The following NFIX variants were observed in gnomAD, a reference collection of about 807,000 sequenced individuals.
NFIX encodes nuclear factor I X.
NFIX carries 2 observed loss-of-function variants against 53.3 expected under a neutral mutation model. The ratio of observed to expected loss-of-function variants is 0.04; its 90% CI spans 0.02 to 0.12. The LOEUF (loss-of-function observed/expected upper bound fraction) is 0.12, where lower values mean the gene tolerates loss of function less well. Among genes scored for constraint, NFIX ranks in the 10% least tolerant of loss-of-function variants. The pLI, the probability that NFIX is intolerant of heterozygous loss-of-function variation, is 1.00. For missense variants in NFIX, 310 were observed against 674.5 expected, an observed-to-expected ratio of 0.46 and a Z score of 5.99; for synonymous variants, 244 against 289.0, an observed-to-expected ratio of 0.84 and a Z score of 1.58.
chr19:13,098,447 ATCTC>A lies in NFIX; in HGVS notation c.*3800_*3803del, dbSNP rs1215830597. On this transcript the variant is annotated 3_prime_UTR_variant, in exon 11 of 11. Transcript: ENST00000592199. Reference sequence around the variant, plus strand: ...GCTAAGAAACGCAGTATATACGAGTATCTCTATATATAGTACTAATGGATTTGGT... The same window carrying A: ...GCTAAGAAACGCAGTATATACGAGTATATATATAGTACTAATGGATTTGGT... 3 of 151,672 alleles carry A rather than the reference ATCTC, an allele frequency of 2.0e-5. No individual in the cohort carries two copies. Among genetic ancestry groups the A allele is most frequent in the East Asian group, 1.9e-4 (1 of 5,150 alleles). The allele number at this position is 151,672 out of a possible 1,614,324, so 9.4% of individuals were successfully genotyped here.
rs1555696660 is a variant in NFIX at position 13,025,546 on chromosome 19, A to C, written c.553A>C (p.Thr185Pro). The change falls in exon 2 of 11, where the codon ACT becomes CCT. Residue 185 changes from threonine (T) to proline (P), a missense_variant. Thr to Pro is a conservative substitution (Grantham distance 38). This residue lies in a region of NFIX where 164 missense variants were observed against 284.4 expected (regional missense o/e 0.58). Transcript: ENST00000592199. This position sits in a 1 kb window ranked among gnomAD's most constrained non-coding sequence, Gnocchi z 7.5. ...LDLYLAYFVH[T>P]PESGQSDSSN... Reference sequence around the variant, plus strand: ...TCTTTATCTGGCTTACTTTGTCCACACTCCGGGTAGGTCGTTCTCAACCAT... The same window carrying C: ...TCTTTATCTGGCTTACTTTGTCCACCCTCCGGGTAGGTCGTTCTCAACCAT... 1.9e-6 allele frequency: 3 copies of C among 1,606,180 alleles called. No homozygotes were observed. The highest frequency in any genetic ancestry group is 2.6e-6 in the Non-Finnish European group (3 of 1,174,748).
intron 2 of NFIX, among the ~76,000 whole-genome samples, chr19:13,047,972 CTG>C (rs1434203154): frequency 6.6e-6 from 1 of 152,208 alleles, no homozygotes; most frequent in African/African-American, 2.4e-5. Context: ...GCTTCTCGAC[CTG>C]TGTTTTCACC....
At position 13,068,736 on chromosome 19, in the gene NFIX, G is replaced by A. The variant is rs188505569; in HGVS notation, c.560-4311G>A. On this transcript the variant is annotated intron_variant, in intron 2 of 10. Coordinates refer to ENST00000592199, the MANE Select transcript of NFIX (RefSeq NM_001365902.3). The surrounding 1 kb of genome is among the most constrained non-coding windows in gnomAD (Gnocchi z 4.2). Reference sequence around the variant, plus strand: ...GTCCAGTCTTATTGCCTGCTCCTTCGTAGCCCTCCCTTCCAGAAGCCTGCA... The same window carrying A: ...GTCCAGTCTTATTGCCTGCTCCTTCATAGCCCTCCCTTCCAGAAGCCTGCA... Among the ~76,000 whole-genome samples, 5 of 152,360 alleles carry A rather than the reference G, an allele frequency of 3.3e-5. No individual in the cohort carries two copies. The highest frequency in any genetic ancestry group is 2.0e-4 in the Admixed American group (3 of 15,310).
chr19:13,017,613 C>T (rs1170010567), intron 1 of NFIX, among the ~76,000 whole-genome samples: 1 of 152,114 alleles, frequency 6.6e-6, no homozygotes, highest in Non-Finnish European at 1.5e-5. Context: ...CTGGGAAGAC[C>T]TCTGCCTTTT....
rs751005912 is a variant in NFIX at position 13,019,730 on chromosome 19, TG to T, written c.28-5290del. 9.7e-3 allele frequency among the ~76,000 whole-genome samples: 1,368 copies of T among 140,334 alleles called. 20 individuals are homozygous for T. The highest frequency in any genetic ancestry group is 0.033 in the African/African-American group (1,203 of 36,768). The allele number at this position is 140,334 out of a possible 152,430, so 92.1% of individuals were successfully genotyped here. A position where few individuals can be genotyped will look rare whatever the true frequency, so the allele number is the denominator to read the frequency against. On this transcript the variant is annotated intron_variant, in intron 1 of 10. Coordinates refer to ENST00000592199, the MANE Select transcript of NFIX (RefSeq NM_001365902.3). ...GTTGCTGGTTTTTTTTTTGTTTGTT[TG>T]TTTTTTTTTTTTTTTTACCAAATAG... is the stretch of plus-strand genomic sequence containing the variant.
Position 13,009,827 on chromosome 19 carries a change from C to T in NFIX, c.27+13963C>T, listed in dbSNP as rs2012231425. Reference sequence around the variant, plus strand: ...TCTGATGTGTGAGTGGCCATGTGGACGGCTGGAGTTGGTCCGCAGTGGTGG... The same window carrying T: ...TCTGATGTGTGAGTGGCCATGTGGATGGCTGGAGTTGGTCCGCAGTGGTGG... On this transcript the variant is annotated intron_variant, in intron 1 of 10. Coordinates refer to ENST00000592199, the MANE Select transcript of NFIX (RefSeq NM_001365902.3). This position sits in a 1 kb window ranked among gnomAD's most constrained non-coding sequence, Gnocchi z 4.7. Among the ~76,000 whole-genome samples, 2 of 152,196 alleles carry T rather than the reference C, an allele frequency of 1.3e-5. No individual in the cohort carries two copies. The highest frequency in any genetic ancestry group is 4.1e-4 in the South Asian group (2 of 4,832).
rs1165587292 is a variant in NFIX, at chr19:13,068,658, A to T, written c.560-4389A>T. Among the ~76,000 whole-genome samples the T allele has an allele frequency of 6.6e-6, 1 of 152,348 alleles. No individual in the cohort carries two copies. Among genetic ancestry groups the T allele is most frequent in the Non-Finnish European group, 1.5e-5 (1 of 68,024 alleles). Reference sequence around the variant, plus strand: ...GAGTGGCCCCAGAACCTGGAGCCAAATCCCGTTTCAAAGGCTTCTTCAGCA... The same window carrying T: ...GAGTGGCCCCAGAACCTGGAGCCAATTCCCGTTTCAAAGGCTTCTTCAGCA... On this transcript the variant is annotated intron_variant, in intron 2 of 10. Coordinates refer to ENST00000592199, the MANE Select transcript of NFIX (RefSeq NM_001365902.3). The surrounding 1 kb of genome is among the most constrained non-coding windows in gnomAD (Gnocchi z 4.2).
chr19:13,031,254 A>G (rs948437813), intron 2 of NFIX, among the ~76,000 whole-genome samples: 1 of 152,172 alleles, frequency 6.6e-6, no homozygotes, highest in African/African-American at 2.4e-5. Context: ...ATTGGAGGCT[A>G]TGACATGGGG....
intron 5 of NFIX, among the ~76,000 whole-genome samples, chr19:13,075,036 C>T (rs2016999923): frequency 7.6e-6 from 1 of 131,444 alleles, no homozygotes; most frequent in African/African-American, 2.9e-5. Context: ...CGCCACTGCA[C>T]TCCAGCCTGG....
intron 2 of NFIX, among the ~76,000 whole-genome samples, chr19:13,039,217 A>G (rs2014427874): frequency 7.1e-6 from 1 of 141,416 alleles, no homozygotes; most frequent in Non-Finnish European, 1.5e-5. Context: ...TTTTAAATTA[A>G]ACACCCCCCC....
chr19:13,016,181 A>G (rs2012656010), intron 1 of NFIX, among the ~76,000 whole-genome samples: 1 of 152,192 alleles, frequency 6.6e-6, no homozygotes, highest in Non-Finnish European at 1.5e-5. Flanking sequence ...CCCACTCTCA[A>G]AGGTAAAGAA....
intron 2 of NFIX, among the ~76,000 whole-genome samples, chr19:13,047,249 T>A (rs985631027): frequency 6.6e-6 from 1 of 152,002 alleles, no homozygotes; most frequent in Non-Finnish European, 1.5e-5. Context: ...TTTTTTTTTT[T>A]AAAGTAGGAC....
intron 1 of NFIX, among the ~76,000 whole-genome samples, chr19:13,003,064 T>A (rs555949262): frequency 2.1e-3 from 319 of 151,774 alleles, no homozygotes; most frequent in South Asian, 3.1e-3. Context: ...GGTGGTTCCG[T>A]CCAAATATCG....
intron 1 of NFIX, among the ~76,000 whole-genome samples, chr19:13,003,566 C>T (rs1318735648): frequency 1.3e-5 from 2 of 152,176 alleles, no homozygotes; most frequent in East Asian, 3.9e-4. Context: ...CTCTCAGACA[C>T]ACAAAACACC....
chr19:13,094,654 A>G lies in NFIX; in HGVS notation c.*5A>G, dbSNP rs1343372252. 9.8e-6 allele frequency: 15 copies of G among 1,536,050 alleles called. No homozygotes were observed. In the Admixed American group the frequency reaches 2.7e-4, roughly 28 times the overall value. ...TTTCAGTCCTGGTTCCTCTGATAAGATCGACAAAAGAAACAACAAAATGAG... is the reference window on the plus strand; with the variant it reads ...TTTCAGTCCTGGTTCCTCTGATAAGGTCGACAAAAGAAACAACAAAATGAG... On this transcript the variant is annotated 3_prime_UTR_variant, in exon 11 of 11. Transcript: ENST00000592199. This position sits in a 1 kb window ranked among gnomAD's most constrained non-coding sequence, Gnocchi z 4.3.
rs1045637237 is a variant in NFIX at position 13,001,087 on chromosome 19, C to G, written c.27+5223C>G. On this transcript the variant is annotated intron_variant, in intron 1 of 10. Coordinates refer to ENST00000592199, the MANE Select transcript of NFIX (RefSeq NM_001365902.3). The surrounding 1 kb of genome is among the most constrained non-coding windows in gnomAD (Gnocchi z 6.5). ...TGAGAATGGGCCTTCTGTCCCCTCC[C>G]TCCCAGCTGGGGTGGGGAAAAGGAG... 6.6e-6 allele frequency among the ~76,000 whole-genome samples: 1 copy of G among 152,200 alleles called. No individual in the cohort carries two copies. Among genetic ancestry groups the G allele is most frequent in the African/African-American group, 2.4e-5 (1 of 41,428 alleles).
intron 10 of NFIX, among the ~76,000 whole-genome samples, chr19:13,092,640 C>G (rs1002875526): frequency 2.0e-5 from 3 of 152,256 alleles, no homozygotes; most frequent in Admixed American, 6.5e-5. Context: ...GAGTCAGCCT[C>G]CCCCTCAACC....
Position 13,093,020 on chromosome 19 carries a change from T to C in NFIX, c.1495-1615T>C, listed in dbSNP as rs1191955855. ...CTGCCCACCCAGCAGCGCCTGCTCA[T>C]TGTGGCAATCCCAAACCGCCACATT... On this transcript the variant is annotated intron_variant, in intron 10 of 10. Coordinates refer to ENST00000592199, the MANE Select transcript of NFIX (RefSeq NM_001365902.3). This position sits in a 1 kb window ranked among gnomAD's most constrained non-coding sequence, Gnocchi z 4.7. 6.6e-6 allele frequency among the ~76,000 whole-genome samples: 1 copy of C among 152,274 alleles called. No individual in the cohort carries two copies. The highest frequency in any genetic ancestry group is 1.5e-5 in the Non-Finnish European group (1 of 68,050).
rs969303567 is a variant in NFIX at position 13,022,861 on chromosome 19, A to C, written c.28-2160A>C. Among the ~76,000 whole-genome samples the C allele has an allele frequency of 6.7e-6, 1 of 149,956 alleles. No individual in the cohort carries two copies. The highest frequency in any genetic ancestry group is 2.4e-5 in the African/African-American group (1 of 40,952). On this transcript the variant is annotated intron_variant, in intron 1 of 10. Coordinates refer to ENST00000592199, the MANE Select transcript of NFIX (RefSeq NM_001365902.3). This position sits in a 1 kb window ranked among gnomAD's most constrained non-coding sequence, Gnocchi z 4.5. The stretch of plus-strand genomic sequence containing the variant: ...GGGTGGCTGCTGCCAAATGGACCCG[A>C]GTGGGAGCCTGGAATGAAAAATTCA...
Sources: gnomAD v4.1 joint callset for allele counts (sites outside exome capture counted in the v4.1 genomes callset) on GRCh38, gnomAD v4.1.1 for gene constraint, gnomAD v4.1.1 regional missense constraint, Gnocchi (gnomAD v3.1) non-coding constraint, MANE v1.5 for transcripts, NCBI Gene and HGNC (gene_info 2026-07-23, HGNC 2026-07-21) for gene names.